DHX33: variants seen among roughly 807,000 people sequenced by gnomAD.
DHX33 encodes ATP-dependent RNA helicase DHX33.
A neutral mutation model predicts 72.5 loss-of-function variants in DHX33; 42 were observed. The ratio of observed to expected loss-of-function variants is 0.58; its 90% CI spans 0.45 to 0.75. DHX33 has a LOEUF of 0.75. Ranked by LOEUF, DHX33 falls within the 30% of genes least tolerant of loss-of-function variation. The pLI is 0.00. For missense variants in DHX33, 842 were observed against 917.5 expected (o/e 0.92, Z 1.06); for synonymous variants, 358 against 366.1 (o/e 0.98, Z 0.25).
intron 4 of DHX33, 68 bp from the exon 5 acceptor site, chr17:5,456,250 G>A: frequency 2.0e-6 from 3 of 1,477,792 alleles, no homozygotes; most frequent in Non-Finnish European, 2.8e-6. Context: ...AAAAGACAAT[G>A]GTGATTGATG....
rs1904737992 is a variant in DHX33 at position 5,463,578 on chromosome 17, G to C, written c.401C>G (p.Ser134Cys). ...CTCATCTGAGACTCTAGTAGCAAGA[G>C]AGATGGCAGCTACTCGACGAGGCTG... ...VTQPRRVAAI[S>C]LATRVSDEKR... The change falls in exon 2 of 12, where the codon TCT (serine) becomes TGT (cysteine). Residue 134 changes from serine to cysteine, a missense_variant. Physicochemically the swap from Ser to Cys is moderately radical, Grantham distance 112. Coordinates refer to ENST00000225296, the MANE Select transcript of DHX33 (RefSeq NM_020162.4). 1.1e-5 allele frequency: 17 copies of C among 1,614,160 alleles called. No individual in the cohort carries two copies. In the East Asian group the frequency reaches 3.3e-4, roughly 32 times the overall value.
chr17:5,468,467 T>C (rs900019484), intron 1 of DHX33, 104 bp downstream of exon 1: 3 of 1,400,924 alleles, frequency 2.1e-6, no homozygotes, highest in Middle Eastern at 2.5e-4. Flanking sequence ...TATTCAGGTT[T>C]GTTGAAGCCA....
intron 11 of DHX33, among the ~76,000 whole-genome samples, chr17:5,446,049 C>G (rs1199776671): frequency 6.6e-6 from 1 of 152,202 alleles, no homozygotes; most frequent in African/African-American, 2.4e-5. Context: ...TCCCAGCTCG[C>G]TGGCAACCTC....
At chr17:5,451,053 G>A (rs1053399482) in intron 8 of DHX33, 119 bp from the exon 9 acceptor site, 7 of 1,145,116 alleles carry the variant, frequency 6.1e-6, no homozygotes, top group East Asian at 2.5e-5. Context: ...AATCATAACC[G>A]CCACTGCCCC....
In DHX33 at chr17:5,455,268, A is replaced by C. The variant is rs757110028; in HGVS notation, c.1039T>G (p.Tyr347Asp). The change falls in exon 6 of 12, where the codon TAT (tyrosine) becomes GAT (aspartate). Residue 347 changes from tyrosine to aspartate, a missense_variant. Coordinates refer to ENST00000225296, the MANE Select transcript of DHX33 (RefSeq NM_020162.4). ...LRVFQGAPKG[Y>D]RKVIISTNIA... ...TTGGTTGAAATGATCACTTTGCGAT[A>C]GCCCTAAAAGGAGGAAGAAAACCAA... is the stretch of plus-strand genomic sequence containing the variant. The C allele has an allele frequency of 3.7e-6, 6 of 1,614,018 alleles. No homozygotes were observed. The highest frequency in any genetic ancestry group is 5.1e-6 in the Non-Finnish European group (6 of 1,179,842).
Position 5,461,029 on chromosome 17 carries a change from A to T in DHX33, c.759T>A (p.Gly253=). ...FNGAPVLYLE[G]RQHPIQVFYT... ...AAAACACCTGGATCGGATGCTGCCG[A>T]CCCTCTAGGTAGAGGACGGGGGCGC... The change falls in exon 4 of 12, where the codon GGT becomes GGA. Residue 253 remains glycine, a synonymous_variant. Coordinates refer to ENST00000225296, the MANE Select transcript of DHX33 (RefSeq NM_020162.4). 1 of 1,613,908 alleles carries T rather than the reference A, an allele frequency of 6.2e-7. No homozygotes were observed. Among genetic ancestry groups the T allele is most frequent in the Non-Finnish European group, 8.5e-7 (1 of 1,179,930 alleles).
Position 5,460,897 on chromosome 17 carries a change from G to A in DHX33, c.849+42C>T, listed in dbSNP as rs1189748625. ...TCAATGTTCTCACTACCAACTGCAA[G>A]ATAAAAGAGAACTTTTCAGGAATTT... On this transcript the variant is annotated intron_variant, in intron 4 of 11. Transcript: ENST00000225296. The A allele has an allele frequency of 3.2e-6, 5 of 1,581,974 alleles. No individual in the cohort carries two copies. The African/African-American group carries it at 6.8e-5, about 21-fold the overall frequency.
Position 5,443,622 on chromosome 17 carries a change from C to T in DHX33, c.*583G>A, listed in dbSNP as rs1225670758. On this transcript the variant is annotated 3_prime_UTR_variant, in exon 12 of 12. Transcript: ENST00000225296. The stretch of plus-strand genomic sequence containing the variant: ...TAACAGCACCTCCCTCTGGAAACTT[C>T]TACAGAAGTCAGTTTTGTTTTCTAT... 1 of 152,672 alleles carries T rather than the reference C, an allele frequency of 6.5e-6. No individual in the cohort carries two copies. The highest frequency in any genetic ancestry group is 2.4e-5 in the African/African-American group (1 of 41,450). 9.5% of individuals were successfully genotyped at this position (152,672 alleles called of 1,614,324 possible). A position where few individuals can be genotyped will look rare whatever the true frequency, so the allele number is the denominator to read the frequency against.
intron 11 of DHX33, among the ~76,000 whole-genome samples, chr17:5,447,088 C>T (rs1316611684): frequency 6.6e-6 from 1 of 152,228 alleles, no homozygotes; most frequent in Non-Finnish European, 1.5e-5. Context: ...GACACTGTCT[C>T]AGTGATCAAC....
chr17:5,453,709 T>C, intron 7 of DHX33, 41 bp from the exon 8 acceptor site: 1 of 1,612,638 alleles, frequency 6.2e-7, no homozygotes, highest in Non-Finnish European at 8.5e-7. Context: ...CTGATCCCTC[T>C]GCCATTGAGT....
At chr17:5,458,300 CAT>C (rs768557635) in intron 4 of DHX33, among the ~76,000 whole-genome samples, 6 of 151,942 alleles carry the variant, frequency 3.9e-5, no homozygotes, top group Non-Finnish European at 4.4e-5. Context: ...ACACGACTGG[CAT>C]ATGAGATGTT....
chr17:5,460,695 TG>T (rs1207078074), intron 4 of DHX33, among the ~76,000 whole-genome samples: 1 of 151,864 alleles, frequency 6.6e-6, no homozygotes, highest in African/African-American at 2.4e-5. Context: ...TTAGTAGAGA[TG>T]GGGTTTCACC....
chr17:5,468,714 C>T lies in DHX33; in HGVS notation c.146G>A (p.Arg49Gln), dbSNP rs774303645. ...CTGGGCCAGGGGCGGCTGCTGCCTC[C>T]GGCCTCCTCCTCCTCCTCTGCCGCC... ...GSGGRGGGGG[R>Q]RQQPPLAQPS... Residue 49 changes from arginine to glutamine, a missense_variant, in exon 1 of 12, where the codon CGG (arginine) becomes CAG (glutamine). Arg to Gln is a conservative substitution (Grantham distance 43, BLOSUM62 1). Transcript: ENST00000225296. The T allele has an allele frequency of 2.6e-5, 42 of 1,611,072 alleles. 1 individual carries two copies. The South Asian group carries it at 4.2e-4, about 16-fold the overall frequency.
chr17:5,448,901 T>C lies in DHX33; in HGVS notation c.1729-6A>G, dbSNP rs372045283. 270 of 1,609,418 alleles carry C rather than the reference T, an allele frequency of 1.7e-4. No homozygotes were observed. Among genetic ancestry groups the C allele is most frequent in the Non-Finnish European group, 1.9e-4 (227 of 1,176,518 alleles). On this transcript the variant is annotated splice_region_variant and splice_polypyrimidine_tract_variant and intron_variant, in intron 10 of 11. Coordinates refer to ENST00000225296, the MANE Select transcript of DHX33 (RefSeq NM_020162.4). ...AAATTCTCTTTGCACCAATCCTGAA[T>C]AGGAGAAAGAGTGATATCACAATCC...
In DHX33 at chr17:5,461,048, G is replaced by A; in HGVS notation, c.740C>T (p.Pro247Leu). 1 of 1,612,984 alleles carries A rather than the reference G, an allele frequency of 6.2e-7. No homozygotes were observed. The highest frequency in any genetic ancestry group is 1.1e-5 in the South Asian group (1 of 90,888). ...CTGCCGACCCTCTAGGTAGAGGACG[G>A]GGGCGCCATTGAAATACTGAGAGAA... is the stretch of plus-strand genomic sequence containing the variant. ...DLFSQYFNGA[P>L]VLYLEGRQHP... The change falls in exon 4 of 12, where the codon CCC (proline) becomes CTC (leucine). Residue 247 changes from proline to leucine, a missense_variant. Transcript: ENST00000225296.
chr17:5,464,269 G>A (rs546846505), intron 1 of DHX33, among the ~76,000 whole-genome samples: 3 of 152,302 alleles, frequency 2.0e-5, no homozygotes, highest in Non-Finnish European at 4.4e-5. Flanking sequence ...GGTTGAGGCT[G>A]CAGTGAGCCA....
rs1307129722 is a variant in DHX33 at position 5,468,884 on chromosome 17, G to A, written c.-25C>T. ...TGTCGGGAGGGCACCGCGGCGGGAGGCGCAAGCGCCGAGAGCTCCTGCCCC... is the reference window on the plus strand; with the variant it reads ...TGTCGGGAGGGCACCGCGGCGGGAGACGCAAGCGCCGAGAGCTCCTGCCCC... On this transcript the variant is annotated 5_prime_UTR_variant, in exon 1 of 12. Transcript: ENST00000225296. The A allele has an allele frequency of 1.9e-6, 3 of 1,548,720 alleles. No individual in the cohort carries two copies. The highest frequency in any genetic ancestry group is 1.7e-6 in the Non-Finnish European group (2 of 1,146,478).
At chr17:5,464,429 C>T (rs962210596) in intron 1 of DHX33, among the ~76,000 whole-genome samples, 1 of 152,088 alleles carries the variant, frequency 6.6e-6, no homozygotes, top group African/African-American at 2.4e-5. Flanking sequence ...TTGGTAAAGC[C>T]TCAGGAGAAT....
Position 5,444,091 on chromosome 17 carries a change from G to T in DHX33, c.*114C>A. 1 of 1,248,574 alleles carries T rather than the reference G, an allele frequency of 8.0e-7. No homozygotes were observed. The highest frequency in any genetic ancestry group is 1.1e-6 in the Non-Finnish European group (1 of 913,222). The allele number at this position is 1,248,574 out of a possible 1,614,324, so 77.3% of individuals were successfully genotyped here. A position where few individuals can be genotyped will look rare whatever the true frequency, so the allele number is the denominator to read the frequency against. ...ATGCTTTCACGCTCCTGGAAGTCAG[G>T]CACCTTCAGCTGATTCCAAGGCTTC... On this transcript the variant is annotated 3_prime_UTR_variant, in exon 12 of 12. Transcript: ENST00000225296. The surrounding 1 kb of genome is among the most constrained non-coding windows in gnomAD (Gnocchi z 4.9).
Sources: gnomAD v4.1 joint callset for allele counts (sites outside exome capture counted in the v4.1 genomes callset) on GRCh38, gnomAD v4.1.1 for gene constraint, Gnocchi (gnomAD v3.1) non-coding constraint, MANE v1.5 for transcripts, NCBI Gene and HGNC (gene_info 2026-07-23, HGNC 2026-07-21) for gene names.